The following EDAR variants were observed in gnomAD, a reference collection of about 807,000 sequenced individuals.
EDAR encodes the protein tumor necrosis factor receptor superfamily member EDAR.
A neutral mutation model predicts 51.3 loss-of-function variants in EDAR; 38 were observed. That is an observed-to-expected ratio of 0.74 (90% CI 0.57 to 0.97). EDAR has a LOEUF of 0.97. EDAR is among the 50% of genes least tolerant of loss of function. The pLI is 0.00. For synonymous variants in EDAR, 227 were observed against 242.1 expected (o/e 0.94, Z 0.58); for missense variants, 528 against 595.0 (o/e 0.89, Z 1.17).
At chr2:108,928,089 G>A (rs781705607) in intron 4 of EDAR, among the ~76,000 whole-genome samples, 1 of 152,116 alleles carries the variant, frequency 6.6e-6, no homozygotes, top group Non-Finnish European at 1.5e-5. Flanking sequence ...CAAGTCTTCA[G>A]CGGTGGTTTC....
At chr2:108,926,593 G>C (rs538714897) in intron 4 of EDAR, among the ~76,000 whole-genome samples, 1 of 152,190 alleles carries the variant, frequency 6.6e-6, no homozygotes, top group Non-Finnish European at 1.5e-5. Context: ...GAGCTCCTCC[G>C]GGGTGAGGCC....
chr2:108,932,589 G>A (rs976317625), intron 1 of EDAR, among the ~76,000 whole-genome samples: 1 of 148,680 alleles, frequency 6.7e-6, no homozygotes, highest in African/African-American at 2.5e-5. Context: ...AAGGAGGTGA[G>A]AGCTGTGTAA....
At chr2:108,923,728 G>A (rs1697195317) in intron 4 of EDAR, among the ~76,000 whole-genome samples, 1 of 152,220 alleles carries the variant, frequency 6.6e-6, no homozygotes, top group Admixed American at 6.5e-5. Flanking sequence ...GCTGTGTTTA[G>A]TGTGTGTGCC....
intron 1 of EDAR, among the ~76,000 whole-genome samples, chr2:108,975,434 A>G (rs920179375): frequency 2.4e-4 from 37 of 152,290 alleles, no homozygotes; most frequent in Non-Finnish European, 4.4e-4. Flanking sequence ...AGACATGGAT[A>G]GCGCCAGCAC....
At chr2:108,932,144 C>CT (rs2105451042) in intron 1 of EDAR, among the ~76,000 whole-genome samples, 1 of 152,316 alleles carries the variant, frequency 6.6e-6, no homozygotes, top group South Asian at 2.1e-4. Flanking sequence ...AACCTTCCCT[C>CT]CCTTCCTCCT....
chr2:108,952,027 G>A (rs954931894), intron 1 of EDAR, among the ~76,000 whole-genome samples: 2 of 152,206 alleles, frequency 1.3e-5, no homozygotes, highest in African/African-American at 2.4e-5. Flanking sequence ...GCAAAAGCAT[G>A]TTTTATTTTT....
At chr2:108,929,935 G>T (rs1248989593) in intron 3 of EDAR, among the ~76,000 whole-genome samples, 185 bp downstream of exon 3, 1 of 152,188 alleles carries the variant, frequency 6.6e-6, no homozygotes, top group Non-Finnish European at 1.5e-5. Flanking sequence ...ATGCTTAGCT[G>T]GTGAGTGCCA....
At chr2:108,943,110 G>T (rs1397967004) in intron 1 of EDAR, among the ~76,000 whole-genome samples, 1 of 152,162 alleles carries the variant, frequency 6.6e-6, no homozygotes, top group Admixed American at 6.5e-5. Context: ...ATGAAGCAAA[G>T]AACTCATAAA....
At chr2:108,969,517 GC>G (rs2104435031) in intron 1 of EDAR, among the ~76,000 whole-genome samples, 1 of 152,338 alleles carries the variant, frequency 6.6e-6, no homozygotes, top group African/African-American at 2.4e-5. Context: ...GAGGATGTTG[GC>G]ATGAAGCAGA....
intron 4 of EDAR, among the ~76,000 whole-genome samples, chr2:108,927,105 A>G (rs1019969522): frequency 6.6e-6 from 1 of 152,190 alleles, no homozygotes; most frequent in Non-Finnish European, 1.5e-5. Flanking sequence ...GACACAGCAC[A>G]TCATGGAGCC....
At chr2:108,934,447 G>T (rs1300855663) in intron 1 of EDAR, among the ~76,000 whole-genome samples, 1 of 152,224 alleles carries the variant, frequency 6.6e-6, no homozygotes, top group Non-Finnish European at 1.5e-5. Context: ...CTGACGTGGG[G>T]CTCCAGCCTC....
chr2:108,899,896 G>A (rs1283107092), intron 11 of EDAR, among the ~76,000 whole-genome samples: 3 of 152,146 alleles, frequency 2.0e-5, no homozygotes, highest in Non-Finnish European at 4.4e-5. Context: ...TGAGGCAGGA[G>A]AATCGCTTGA....
At chr2:108,943,411 T>C (rs1439464746) in intron 1 of EDAR, among the ~76,000 whole-genome samples, 5 of 152,226 alleles carry the variant, frequency 3.3e-5, no homozygotes, top group Non-Finnish European at 7.3e-5. Flanking sequence ...TATGTATGAA[T>C]GGGATACAGA....
In EDAR at chr2:108,907,890, C is replaced by G. The variant is rs757675701; in HGVS notation, c.933G>C (p.Glu311Asp). Reference sequence around the variant, plus strand: ...CTGACTTGTTGCTGGTGGCAGACTTCTCCCTGGCCAGGTGAACCAGCGACA... The same window carrying G: ...CTGACTTGTTGCTGGTGGCAGACTTGTCCCTGGCCAGGTGAACCAGCGACA... ...CLLSLVHLAR[E>D]KSATSNKSAG... The change falls in exon 10 of 12, where the codon GAG (glutamate) becomes GAC (aspartate). Residue 311 changes from glutamate to aspartate, a missense_variant. Coordinates refer to ENST00000258443, the MANE Select transcript of EDAR (RefSeq NM_022336.4). 7 of 1,613,672 alleles carry G rather than the reference C, an allele frequency of 4.3e-6. No homozygotes were observed. The African/African-American group carries it at 6.7e-5, about 15-fold the overall frequency.
chr2:108,902,063 C>A (rs1055153792), intron 11 of EDAR, among the ~76,000 whole-genome samples: 31 of 152,230 alleles, frequency 2.0e-4, no homozygotes, highest in African/African-American at 6.7e-4. Context: ...CATGGTGAAA[C>A]CCCATATCTA....
rs1697378960 is a variant in EDAR, at chr2:108,932,261, G to T, written c.-18-1229C>A. Among the ~76,000 whole-genome samples the T allele has an allele frequency of 2.0e-5, 3 of 152,058 alleles. No homozygotes were observed. In the South Asian group the frequency reaches 6.2e-4, roughly 32 times the overall value. On this transcript the variant is annotated intron_variant, in intron 1 of 11. Transcript: ENST00000258443. ...TAAGTTGGAGAGGCTGAGCGCGGTG[G>T]CTCACACCTGTAATCCCAGCACTTT...
intron 5 of EDAR, among the ~76,000 whole-genome samples, chr2:108,919,993 A>G (rs1365512207): frequency 1.3e-5 from 2 of 152,116 alleles, no homozygotes; most frequent in African/African-American, 4.8e-5. Context: ...CTCCCCACCA[A>G]GCACCCTCTT....
intron 9 of EDAR, 79 bp downstream of exon 9, chr2:108,910,381 C>A: frequency 1.7e-6 from 2 of 1,191,596 alleles, no homozygotes; most frequent in South Asian, 2.5e-5. Flanking sequence ...TCAGTTCACT[C>A]GGCTGCACCC....
chr2:108,971,123 G>A (rs1396720380), intron 1 of EDAR, among the ~76,000 whole-genome samples: 1 of 152,106 alleles, frequency 6.6e-6, no homozygotes, highest in Non-Finnish European at 1.5e-5. Flanking sequence ...CTGGTGCCTG[G>A]ACCACATCCT....
Sources: allele counts gnomAD v4.1 joint callset (sites outside exome capture counted in the v4.1 genomes callset), GRCh38; gene constraint gnomAD v4.1.1; transcripts MANE v1.5; gene names NCBI Gene and HGNC (gene_info 2026-07-23, HGNC 2026-07-21).